MAP2: variants seen among roughly 807,000 people sequenced by gnomAD.
MAP2 encodes microtubule-associated protein 2.
A neutral mutation model predicts 137.6 loss-of-function variants in MAP2; 14 were observed. The observed-to-expected ratio is 0.10, with a 90% CI of 0.07 to 0.16. The LOEUF (loss-of-function observed/expected upper bound fraction) is 0.16, where lower values mean the gene tolerates loss of function less well. Ranked by LOEUF, MAP2 falls within the 10% of genes least tolerant of loss-of-function variation. The probability of loss-of-function intolerance (pLI) is 1.00; values close to 1 mark genes in which losing one functional copy is unlikely to be tolerated. For synonymous variants in MAP2, 786 were observed against 782.3 expected, an observed-to-expected ratio of 1.00 and a Z score of -0.08; for missense variants, 2,088 against 2,191.5, an observed-to-expected ratio of 0.95 and a Z score of 0.94.
chr2:209,679,344 T>TAGGC (rs1305495467), intron 6 of MAP2, among the ~76,000 whole-genome samples: 7 of 149,114 alleles, frequency 4.7e-5, no homozygotes, highest in African/African-American at 1.8e-4. Flanking sequence ...GATAGATAGA[T>TAGGC]AGATAGATAG....
intron 1 of MAP2, among the ~76,000 whole-genome samples, chr2:209,451,913 C>T (rs936745915): frequency 2.0e-5 from 3 of 152,154 alleles, no homozygotes; most frequent in Non-Finnish European, 4.4e-5. Flanking sequence ...CACCAGTTAC[C>T]CTTGTTACTG....
intron 3 of MAP2, among the ~76,000 whole-genome samples, chr2:209,580,791 T>A (rs1045124947): frequency 6.6e-5 from 10 of 152,198 alleles, no homozygotes; most frequent in Admixed American, 1.3e-4. Context: ...ATTTTGAAAT[T>A]CAGCATCAGG....
intron 1 of MAP2, among the ~76,000 whole-genome samples, chr2:209,427,790 A>G (rs796267714): frequency 6.6e-6 from 1 of 152,112 alleles, no homozygotes; most frequent in South Asian, 2.1e-4. Flanking sequence ...TATGTAGTAC[A>G]CAAAAGGCCA....
At chr2:209,579,352 G>C (rs1336402045) in intron 2 of MAP2, 5 of 151,992 alleles carry the variant, frequency 3.3e-5, no homozygotes, top group Non-Finnish European at 7.3e-5. Flanking sequence ...TGATAGACTC[G>C]ACTCCTGGGG....
intron 2 of MAP2, among the ~76,000 whole-genome samples, chr2:209,572,677 G>C (rs1390524402): frequency 6.6e-6 from 1 of 152,076 alleles, no homozygotes; most frequent in African/African-American, 2.4e-5. Context: ...TACTTTTTCA[G>C]GAGAAATTTT....
At chr2:209,467,465 A>G (rs1559199128) in intron 1 of MAP2, among the ~76,000 whole-genome samples, 2 of 151,500 alleles carry the variant, frequency 1.3e-5, no homozygotes, top group Non-Finnish European at 2.9e-5. Context: ...TCTTCCTACT[A>G]CTCCCATTCA....
intron 2 of MAP2, among the ~76,000 whole-genome samples, chr2:209,542,334 G>T (rs1250554585): frequency 1.3e-5 from 2 of 152,150 alleles, no homozygotes; most frequent in Non-Finnish European, 2.9e-5. Context: ...CATCATCCAG[G>T]TGGTTCCATT....
At chr2:209,675,844 AT>A (rs2051136822) in intron 5 of MAP2, among the ~76,000 whole-genome samples, 1 of 151,862 alleles carries the variant, frequency 6.6e-6, no homozygotes. Flanking sequence ...TTTATCAGTA[AT>A]TAAACAAGAA....
Position 209,710,070 on chromosome 2 carries a change from G to A in MAP2, c.4889G>A (p.Gly1630Glu), listed in dbSNP as rs1453133093. The change falls in exon 13 of 16, where the codon GGA becomes GAA. Residue 1630 changes from glycine (G) to glutamate (E), a missense_variant. By Grantham distance (98) the Gly-to-Glu change is moderately conservative. Around this residue, in one of 6 missense-constraint regions of MAP2, gnomAD observed 591 missense variants for 642.6 expected, o/e 0.92. Coordinates refer to ENST00000682079, the MANE Select transcript of MAP2 (RefSeq NM_001375505.1). ...TATCCCAGGACCCCTCACACACCAG[G>A]AACCCCCAAGTCTGCCATCTTGGTG... ...PSYPRTPHTP[G>E]TPKSAILVPS... is the part of the protein sequence containing the mutation. The A allele has an allele frequency of 6.2e-7, 1 of 1,613,812 alleles. No individual in the cohort carries two copies. Among genetic ancestry groups the A allele is most frequent in the South Asian group, 1.1e-5 (1 of 91,064 alleles).
intron 2 of MAP2, among the ~76,000 whole-genome samples, chr2:209,521,086 T>C (rs16843034): frequency 0.17 from 26,074 of 152,006 alleles, 3,524 homozygotes; most frequent in African/African-American, 0.37. Context: ...CTTTATAGTA[T>C]TGAGGCAGGC....
At chr2:209,589,819 T>C (rs2078765782) in intron 3 of MAP2, among the ~76,000 whole-genome samples, 1 of 152,206 alleles carries the variant, frequency 6.6e-6, no homozygotes, top group African/African-American at 2.4e-5. Context: ...AAGAAAATTA[T>C]TAATGTTTCA....
intron 4 of MAP2, among the ~76,000 whole-genome samples, chr2:209,634,801 T>C (rs1490273096): frequency 6.6e-6 from 1 of 152,184 alleles, no homozygotes; most frequent in Admixed American, 6.5e-5. Flanking sequence ...GTGTGGATTG[T>C]AACTTCAATA....
intron 2 of MAP2, among the ~76,000 whole-genome samples, chr2:209,521,829 A>G (rs562663314): frequency 2.0e-5 from 3 of 152,226 alleles, no homozygotes; most frequent in East Asian, 1.9e-4. Flanking sequence ...TGTTGTTTTC[A>G]TAGGTACTAA....
chr2:209,512,478 G>A (rs1374518535), intron 2 of MAP2, among the ~76,000 whole-genome samples: 1 of 149,428 alleles, frequency 6.7e-6, no homozygotes, highest in Non-Finnish European at 1.5e-5. Flanking sequence ...TCTTAAAACA[G>A]AAAATAAAAT....
intron 2 of MAP2, among the ~76,000 whole-genome samples, chr2:209,546,201 A>G (rs900963901): frequency 1.3e-5 from 2 of 152,182 alleles, no homozygotes. Context: ...TTTGTAATTT[A>G]TGGTCACATA....
chr2:209,545,349 A>G (rs370554453), intron 2 of MAP2, among the ~76,000 whole-genome samples: 1 of 152,206 alleles, frequency 6.6e-6, no homozygotes, highest in African/African-American at 2.4e-5. Flanking sequence ...AGCCTGCACT[A>G]TTGGGTCTCT....
intron 2 of MAP2, among the ~76,000 whole-genome samples, chr2:209,571,546 A>C (rs1215812049): frequency 2.0e-5 from 3 of 152,040 alleles, no homozygotes; most frequent in African/African-American, 7.2e-5. Flanking sequence ...TGAGAGTCTT[A>C]GTTGTTCAAC....
At chr2:209,430,821 C>G (rs1694048884) in intron 1 of MAP2, among the ~76,000 whole-genome samples, 1 of 151,314 alleles carries the variant, frequency 6.6e-6, no homozygotes, top group East Asian at 2.0e-4. Flanking sequence ...AATTTTGCTG[C>G]TAGGAGAACA....
intron 2 of MAP2, among the ~76,000 whole-genome samples, chr2:209,537,198 C>T (rs146512687): frequency 4.6e-5 from 7 of 152,086 alleles, no homozygotes; most frequent in Admixed American, 3.9e-4. Flanking sequence ...GTAATTCTCA[C>T]GATATTTCAA....
Sources: allele counts gnomAD v4.1 joint callset (sites outside exome capture counted in the v4.1 genomes callset), GRCh38; gene constraint gnomAD v4.1.1; regional missense constraint gnomAD v4.1.1; transcripts MANE v1.5; gene names NCBI Gene and HGNC (gene_info 2026-07-23, HGNC 2026-07-21).